GABRG3: variants seen among roughly 807,000 people sequenced by gnomAD.
GABRG3 encodes the protein gamma-aminobutyric acid receptor subunit gamma-3.
Under a neutral mutation model 48.8 loss-of-function variants are expected in GABRG3, and 25 were observed. The observed-to-expected ratio is 0.51, with a 90% CI of 0.37 to 0.72. The LOEUF is 0.72. GABRG3 is among the 30% of genes least tolerant of loss of function. The pLI is 0.00. For synonymous variants in GABRG3, 227 were observed against 217.6 expected, an observed-to-expected ratio of 1.04 and a Z score of -0.38; for missense variants, 394 against 577.9, an observed-to-expected ratio of 0.68 and a Z score of 3.26.
chr15:27,116,655 A>C (rs1369027774), intron 3 of GABRG3, among the ~76,000 whole-genome samples: 1 of 152,200 alleles, frequency 6.6e-6, no homozygotes, highest in East Asian at 1.9e-4. Flanking sequence ...TCATGTTGAG[A>C]CTTAATCTCC....
At position 26,976,107 on chromosome 15, in the gene GABRG3, C is replaced by G. The variant is rs1595450326; in HGVS notation, c.54-895C>G. On this transcript the variant is annotated intron_variant, in intron 1 of 9. Coordinates refer to ENST00000615808, the MANE Select transcript of GABRG3 (RefSeq NM_033223.5). The surrounding 1 kb of genome is among the most constrained non-coding windows in gnomAD (Gnocchi z 7.8). ...TAAACCAAACATTTTTTAAAAAACC[C>G]AAAACTGCAGAACCAAAAAAAAAAA... 6.7e-6 allele frequency among the ~76,000 whole-genome samples: 1 copy of G among 150,208 alleles called. No homozygotes were observed. The highest frequency in any genetic ancestry group is 1.5e-5 in the Non-Finnish European group (1 of 67,666).
At chr15:27,395,484 A>G (rs1206945692) in intron 5 of GABRG3, among the ~76,000 whole-genome samples, 1 of 152,232 alleles carries the variant, frequency 6.6e-6, no homozygotes, top group African/African-American at 2.4e-5. Flanking sequence ...ACCTAATTTT[A>G]CCTATTACTA....
At chr15:27,224,437 C>T (rs900097824) in intron 3 of GABRG3, among the ~76,000 whole-genome samples, 1 of 152,112 alleles carries the variant, frequency 6.6e-6, no homozygotes, top group Admixed American at 6.5e-5. Context: ...TCACAGCTAC[C>T]CAGGAAGCAG....
chr15:27,485,813 A>G (rs1890206806), intron 6 of GABRG3, among the ~76,000 whole-genome samples: 1 of 152,240 alleles, frequency 6.6e-6, no homozygotes, highest in Admixed American at 6.5e-5. Flanking sequence ...TCTGTTAAAA[A>G]GCCAATAAAA....
rs1406312982 is a variant in GABRG3 at position 27,180,787 on chromosome 15, T to A, written c.271-146022T>A. 6.6e-6 allele frequency among the ~76,000 whole-genome samples: 1 copy of A among 152,222 alleles called. No individual in the cohort carries two copies. Among genetic ancestry groups the A allele is most frequent in the Non-Finnish European group, 1.5e-5 (1 of 68,048 alleles). ...CCCTAAATCCACTGACTAATGCTCT[T>A]ATCCACTCACATTTTGTCACTATCA... On this transcript the variant is annotated intron_variant, in intron 3 of 9. Transcript: ENST00000615808. The surrounding 1 kb of genome is among the most constrained non-coding windows in gnomAD (Gnocchi z 4.2).
At chr15:27,423,854 AC>A (rs1485584599) in intron 5 of GABRG3, among the ~76,000 whole-genome samples, 1 of 148,392 alleles carries the variant, frequency 6.7e-6, no homozygotes, top group Non-Finnish European at 1.5e-5. Context: ...AGTGTGAGCT[AC>A]CACACCTAGC....
intron 3 of GABRG3, among the ~76,000 whole-genome samples, chr15:27,245,489 T>A (rs959799762): frequency 1.3e-5 from 2 of 152,200 alleles, no homozygotes; most frequent in African/African-American, 4.8e-5. Flanking sequence ...TTTGCTAAAA[T>A]CTGTCTTCAA....
chr15:27,406,016 G>T (rs887085174), intron 5 of GABRG3, among the ~76,000 whole-genome samples: 1 of 152,152 alleles, frequency 6.6e-6, no homozygotes, highest in Non-Finnish European at 1.5e-5. Context: ...AATGAAGCCA[G>T]CCCAGTGGTG....
At chr15:27,181,496 G>A (rs182471879) in intron 3 of GABRG3, among the ~76,000 whole-genome samples, 60 of 152,296 alleles carry the variant, frequency 3.9e-4, no homozygotes, top group Middle Eastern at 6.8e-3. Flanking sequence ...TAGGGCATCA[G>A]GCTGATGTTA....
At chr15:27,312,085 A>G (rs1187377472) in intron 3 of GABRG3, among the ~76,000 whole-genome samples, 1 of 152,186 alleles carries the variant, frequency 6.6e-6, no homozygotes, top group East Asian at 1.9e-4. Context: ...ATTAATGGAT[A>G]AAGTGAGAAT....
chr15:27,144,710 G>GA (rs1170479670), intron 3 of GABRG3, among the ~76,000 whole-genome samples: 1 of 152,188 alleles, frequency 6.6e-6, no homozygotes, highest in African/African-American at 2.4e-5. Flanking sequence ...TGCATACCCA[G>GA]AAAATACCTA....
At chr15:27,444,478 TA>T (rs1351416888) in intron 5 of GABRG3, among the ~76,000 whole-genome samples, 3 of 152,342 alleles carry the variant, frequency 2.0e-5, no homozygotes. Flanking sequence ...TGTCATGATA[TA>T]TTTTTTACCT....
intron 3 of GABRG3, among the ~76,000 whole-genome samples, chr15:27,325,860 T>C (rs1304360793): frequency 6.6e-6 from 1 of 152,222 alleles, no homozygotes; most frequent in East Asian, 1.9e-4. Flanking sequence ...ATGAGATTTG[T>C]TGAGAATCAA....
intron 5 of GABRG3, among the ~76,000 whole-genome samples, chr15:27,350,885 T>TGG (rs1490504755): frequency 3.2e-4 from 5 of 15,586 alleles, no homozygotes; most frequent in African/African-American, 1.5e-3. Flanking sequence ...ATGGTGTGTG[T>TGG]GTGTCGTGTG....
At chr15:27,176,570 A>G (rs1160813654) in intron 3 of GABRG3, among the ~76,000 whole-genome samples, 1 of 152,184 alleles carries the variant, frequency 6.6e-6, no homozygotes, top group East Asian at 1.9e-4. Flanking sequence ...CTGTGCTAAG[A>G]ATAACAGTTG....
intron 5 of GABRG3, among the ~76,000 whole-genome samples, chr15:27,455,733 GTT>G (rs1368303834): frequency 1.3e-5 from 2 of 150,902 alleles, no homozygotes; most frequent in Non-Finnish European, 2.9e-5. Flanking sequence ...TGGTTTGTGA[GTT>G]TGTGTGTGGT....
intron 3 of GABRG3, among the ~76,000 whole-genome samples, chr15:27,204,778 CAT>C: frequency 6.6e-6 from 1 of 151,984 alleles, no homozygotes; most frequent in African/African-American, 2.4e-5. Context: ...TGTATTTCTA[CAT>C]ATGTCATTCT....
Position 27,180,560 on chromosome 15 carries a change from C to T in GABRG3, c.271-146249C>T, listed in dbSNP as rs994008494. Among the ~76,000 whole-genome samples, 12 of 152,088 alleles carry T rather than the reference C, an allele frequency of 7.9e-5. No individual in the cohort carries two copies. The East Asian group carries it at 1.7e-3, about 22-fold the overall frequency. ...CCTCAGGTTCAACTCATCGCTCTAACCATGTCATCCTGATTCACTCAACTT... is the reference window on the plus strand; with the variant it reads ...CCTCAGGTTCAACTCATCGCTCTAATCATGTCATCCTGATTCACTCAACTT... On this transcript the variant is annotated intron_variant, in intron 3 of 9. Coordinates refer to ENST00000615808, the MANE Select transcript of GABRG3 (RefSeq NM_033223.5). The surrounding 1 kb of genome is among the most constrained non-coding windows in gnomAD (Gnocchi z 4.2).
intron 3 of GABRG3, among the ~76,000 whole-genome samples, chr15:27,107,401 G>A (rs1897469678): frequency 6.6e-6 from 1 of 151,948 alleles, no homozygotes; most frequent in Admixed American, 6.6e-5. Flanking sequence ...GGGAAATGAA[G>A]CCTCCTTGCT....
Sources: allele counts gnomAD v4.1 joint callset (sites outside exome capture counted in the v4.1 genomes callset), GRCh38; gene constraint gnomAD v4.1.1; non-coding constraint Gnocchi (gnomAD v3.1); transcripts MANE v1.5; gene names NCBI Gene and HGNC (gene_info 2026-07-23, HGNC 2026-07-21).